The following F2R variants were observed in gnomAD, a reference collection of about 807,000 sequenced individuals.
F2R encodes proteinase-activated receptor 1.
F2R carries 12 observed loss-of-function variants against 18.3 expected under a neutral mutation model. The ratio of observed to expected loss-of-function variants is 0.66; its 90% CI spans 0.42 to 1.06. The LOEUF (loss-of-function observed/expected upper bound fraction) is 1.06, where lower values mean the gene tolerates loss of function less well. Ranked by LOEUF, F2R falls within the 50% of genes least tolerant of loss-of-function variation. F2R has a pLI of 0.00. For synonymous variants in F2R, 210 were observed against 219.9 expected (o/e 0.95, Z 0.40); for missense variants, 438 against 530.8 (o/e 0.83, Z 1.72).
At chr5:76,728,512 C>T (rs900187435) in intron 1 of F2R, among the ~76,000 whole-genome samples, 9 of 152,098 alleles carry the variant, frequency 5.9e-5, no homozygotes, top group Non-Finnish European at 1.3e-4. Flanking sequence ...CATGTTGTTG[C>T]AAATGACAGA....
intron 1 of F2R, among the ~76,000 whole-genome samples, chr5:76,721,759 A>G (rs954032306): frequency 2.0e-5 from 3 of 152,134 alleles, no homozygotes; most frequent in African/African-American, 7.2e-5. Context: ...ATCATAGTAT[A>G]TATGTAAACA....
intron 1 of F2R, among the ~76,000 whole-genome samples, chr5:76,721,121 G>T (rs37248): frequency 1.4e-3 from 217 of 152,116 alleles, no homozygotes; most frequent in African/African-American, 5.0e-3. Flanking sequence ...ACTAGTTTTC[G>T]TGAGCACCTA....
chr5:76,721,927 T>C (rs915622853), intron 1 of F2R, among the ~76,000 whole-genome samples: 2 of 152,262 alleles, frequency 1.3e-5, no homozygotes, highest in Non-Finnish European at 2.9e-5. Flanking sequence ...TGTGAATTGA[T>C]TTCATAGCCA....
intron 1 of F2R, among the ~76,000 whole-genome samples, chr5:76,731,803 C>T (rs946566234): frequency 5.9e-5 from 9 of 152,278 alleles, no homozygotes; most frequent in Non-Finnish European, 1.2e-4. Context: ...GCTGGGATTA[C>T]AGACGTGACC....
intron 1 of F2R, among the ~76,000 whole-genome samples, chr5:76,722,756 G>C (rs1041530224): frequency 6.6e-6 from 1 of 152,142 alleles, no homozygotes; most frequent in Non-Finnish European, 1.5e-5. Flanking sequence ...TTGGAGACCA[G>C]CTTGGCCAAC....
chr5:76,723,353 CA>C (rs562859523), intron 1 of F2R, among the ~76,000 whole-genome samples: 2 of 152,326 alleles, frequency 1.3e-5, no homozygotes, highest in Non-Finnish European at 2.9e-5. Context: ...GTGGAGTGGT[CA>C]AAAGGTATGA....
intron 1 of F2R, among the ~76,000 whole-genome samples, chr5:76,731,084 G>C (rs1015271428): frequency 6.6e-6 from 1 of 152,204 alleles, no homozygotes; most frequent in Non-Finnish European, 1.5e-5. Context: ...AACATCGGCT[G>C]CTCTGCTGAC....
rs757455751 is a variant in F2R, at chr5:76,733,368, C to T, written c.1143C>T (p.Tyr381=). ...YYYASSECQR[Y]VYSILCCKES... ...ACGCTTCCTCTGAGTGCCAGAGGTA[C>T]GTCTACAGTATCTTATGCTGCAAAG... The change falls in exon 2 of 2, where the codon TAC becomes TAT. Residue 381 remains tyrosine, a synonymous_variant. Transcript: ENST00000319211. The T allele has an allele frequency of 3.1e-6, 5 of 1,614,136 alleles. No homozygotes were observed. The Admixed American group carries it at 5.0e-5, about 16-fold the overall frequency.
intron 1 of F2R, 42 bp downstream of exon 1, chr5:76,716,437 C>T: frequency 7.2e-7 from 1 of 1,379,948 alleles, no homozygotes; most frequent in Non-Finnish European, 9.4e-7. Flanking sequence ...CGGAGGGACG[C>T]CGAGGGGAGA....
chr5:76,728,970 C>T (rs1189366692), intron 1 of F2R, among the ~76,000 whole-genome samples: 4 of 152,176 alleles, frequency 2.6e-5, no homozygotes, highest in Admixed American at 6.5e-5. Context: ...GGATTACAGG[C>T]GTGAGCCACC....
intron 1 of F2R, among the ~76,000 whole-genome samples, chr5:76,731,097 G>A (rs918370773): frequency 6.6e-6 from 1 of 152,174 alleles, no homozygotes; most frequent in African/African-American, 2.4e-5. Flanking sequence ...CTGCTGACCT[G>A]CTCAGGAAAG....
intron 1 of F2R, among the ~76,000 whole-genome samples, chr5:76,731,137 C>T (rs1561630739): frequency 6.6e-6 from 1 of 152,126 alleles, no homozygotes. Flanking sequence ...ATGATGGGTA[C>T]CTTGTGACTA....
In F2R at chr5:76,732,663, G is replaced by C. The variant is rs909217054; in HGVS notation, c.438G>C (p.Thr146=). The change falls in exon 2 of 2, where the codon ACG becomes ACC. Residue 146 remains threonine, a synonymous_variant. Transcript: ENST00000319211. ...PAVVYMLHLA[T]ADVLFVSVLP... is the part of the protein sequence containing the mutation. ...TGGTGTACATGCTGCACCTGGCCAC[G>C]GCAGATGTGCTGTTTGTGTCTGTGC... The C allele has an allele frequency of 2.5e-6, 4 of 1,614,058 alleles. No individual in the cohort carries two copies. Among genetic ancestry groups the C allele is most frequent in the African/African-American group, 2.7e-5 (2 of 74,920 alleles).
At chr5:76,726,523 C>T (rs1163474531) in intron 1 of F2R, among the ~76,000 whole-genome samples, 2 of 148,928 alleles carry the variant, frequency 1.3e-5, no homozygotes, top group African/African-American at 2.5e-5. Context: ...GGCGAAAGAG[C>T]GAGACTCTGT....
intron 1 of F2R, among the ~76,000 whole-genome samples, chr5:76,729,839 T>C (rs1056487514): frequency 8.5e-5 from 13 of 152,320 alleles, no homozygotes; most frequent in East Asian, 3.9e-4. Context: ...TAGGAGATGA[T>C]TGAATCATGG....
intron 1 of F2R, chr5:76,716,725 AC>A (rs1437124567): frequency 3.0e-6 from 2 of 676,860 alleles, no homozygotes; most frequent in East Asian, 2.7e-5. Flanking sequence ...TCCCAGGACC[AC>A]CCCCAAAAAG....
chr5:76,731,752 ACTC>A (rs1748673260), intron 1 of F2R, among the ~76,000 whole-genome samples: 1 of 150,736 alleles, frequency 6.6e-6, no homozygotes, highest in Admixed American at 6.6e-5. Flanking sequence ...CTAGTCTTGA[ACTC>A]CTGACCTTGT....
chr5:76,716,408 C>T lies in F2R; in HGVS notation c.88+13C>T. 3 of 1,434,024 alleles carry T rather than the reference C, an allele frequency of 2.1e-6. No individual in the cohort carries two copies. Among genetic ancestry groups the T allele is most frequent in the African/African-American group, 1.5e-5 (1 of 68,502 alleles). 88.8% of individuals were successfully genotyped at this position (1,434,024 alleles called of 1,614,324 possible). A position where few individuals can be genotyped will look rare whatever the true frequency, so the allele number is the denominator to read the frequency against. On this transcript the variant is annotated intron_variant, in intron 1 of 1. Coordinates refer to ENST00000319211, the MANE Select transcript of F2R (RefSeq NM_001992.5). ...GCCCGCAGGCCAGGTGAGAGATGCACGGGAATGGGGTGCGCGGGCGGAGGG... is the reference window on the plus strand; with the variant it reads ...GCCCGCAGGCCAGGTGAGAGATGCATGGGAATGGGGTGCGCGGGCGGAGGG...
chr5:76,729,693 A>C (rs1332678484), intron 1 of F2R, among the ~76,000 whole-genome samples: 1 of 152,208 alleles, frequency 6.6e-6, no homozygotes, highest in East Asian at 1.9e-4. Context: ...GTGTGAGAGA[A>C]GGGGGACAAG....
Sources: gnomAD v4.1 joint callset for allele counts (sites outside exome capture counted in the v4.1 genomes callset) on GRCh38, gnomAD v4.1.1 for gene constraint, MANE v1.5 for transcripts, NCBI Gene and HGNC (gene_info 2026-07-23, HGNC 2026-07-21) for gene names.